ZNF710: variants seen among roughly 807,000 people sequenced by gnomAD.
ZNF710 encodes zinc finger protein 710.
ZNF710 carries 13 observed loss-of-function variants against 50.6 expected under a neutral mutation model. The observed-to-expected ratio is 0.26, with a 90% CI of 0.17 to 0.41. The LOEUF is 0.41. ZNF710 is among the 10% of genes least tolerant of loss of function. ZNF710 has a pLI of 1.00. For synonymous variants in ZNF710, 383 were observed against 397.0 expected, an observed-to-expected ratio of 0.96 and a Z score of 0.42; for missense variants, 721 against 936.6, an observed-to-expected ratio of 0.77 and a Z score of 3.01.
intron 1 of ZNF710, among the ~76,000 whole-genome samples, chr15:90,049,788 T>G (rs566541712): frequency 9.1e-4 from 139 of 152,332 alleles, no homozygotes; most frequent in African/African-American, 3.2e-3. Flanking sequence ...TCCTCCTTTG[T>G]GAGCTCCTAG....
intron 1 of ZNF710, among the ~76,000 whole-genome samples, chr15:90,019,502 C>T (rs945749038): frequency 6.6e-6 from 1 of 152,182 alleles, no homozygotes. Flanking sequence ...AAATTGCCCC[C>T]AGACACATTG....
At chr15:90,057,852 G>A (rs985316128) in intron 1 of ZNF710, among the ~76,000 whole-genome samples, 1 of 152,140 alleles carries the variant, frequency 6.6e-6, no homozygotes, top group South Asian at 2.1e-4. Context: ...AACGATACCA[G>A]TTCTGGAACT....
intron 1 of ZNF710, among the ~76,000 whole-genome samples, chr15:90,016,572 G>A (rs1232120621): frequency 6.6e-6 from 1 of 152,160 alleles, no homozygotes; most frequent in Non-Finnish European, 1.5e-5. Flanking sequence ...CTCCCAAGTA[G>A]CTGGGACTAC....
chr15:90,007,166 C>G (rs185940700), intron 1 of ZNF710, among the ~76,000 whole-genome samples: 2 of 152,020 alleles, frequency 1.3e-5, no homozygotes, highest in African/African-American at 4.8e-5. Flanking sequence ...TAAGGTGACC[C>G]TGGGAGGATT....
intron 4 of ZNF710, chr15:90,076,066 G>C (rs1046244808): frequency 6.6e-6 from 1 of 152,230 alleles, no homozygotes; most frequent in East Asian, 1.9e-4. Context: ...GGTGGGGTCT[G>C]AGACGCTGCC....
intron 1 of ZNF710, among the ~76,000 whole-genome samples, chr15:90,063,481 C>CT (rs1900074884): frequency 1.3e-5 from 2 of 152,114 alleles, no homozygotes; most frequent in African/African-American, 4.8e-5. Context: ...GTTGGCAGCT[C>CT]TCTGTGCCCC....
intron 4 of ZNF710, 126 bp downstream of exon 4, chr15:90,074,416 G>C: frequency 5.2e-6 from 8 of 1,550,550 alleles, no homozygotes; most frequent in Non-Finnish European, 6.9e-6. Flanking sequence ...GTGGGCTCAG[G>C]TCTGGAAGGG....
Position 90,081,412 on chromosome 15 carries a change from G to C in ZNF710, c.*1583G>C, listed in dbSNP as rs530027871. ...GGCACAGATGAAGCCACTAGCTTCA[G>C]CCTAGAAACCCGGAGAAGGGAACAG... On this transcript the variant is annotated 3_prime_UTR_variant, in exon 5 of 5. Transcript: ENST00000268154. 6.6e-6 allele frequency: 1 copy of C among 152,212 alleles called. No homozygotes were observed. Among genetic ancestry groups the C allele is most frequent in the Non-Finnish European group, 1.5e-5 (1 of 68,056 alleles). 9.4% of individuals were successfully genotyped at this position (152,212 alleles called of 1,614,324 possible). A position where few individuals can be genotyped will look rare whatever the true frequency, so the allele number is the denominator to read the frequency against.
rs1900257790 is a variant in ZNF710, at chr15:90,068,293, C to T, written c.1156C>T (p.Arg386Cys). The T allele has an allele frequency of 1.2e-6, 2 of 1,612,834 alleles. No individual in the cohort carries two copies. The highest frequency in any genetic ancestry group is 1.7e-5 in the Admixed American group (1 of 60,006). The change falls in exon 2 of 5, where the codon CGC (arginine) becomes TGC (cysteine). Residue 386 changes from arginine (R) to cysteine (C), a missense_variant. This residue lies in a region of ZNF710 where 326 missense variants were observed against 522.0 expected (regional missense o/e 0.62). Transcript: ENST00000268154. The surrounding 1 kb of genome is among the most constrained non-coding windows in gnomAD (Gnocchi z 5.0). ...VKPYSCHFCG[R>C]GFAYPSELKA... ...GCCCTACAGCTGCCACTTCTGCGGC[C>T]GCGGCTTCGCCTACCCCAGCGAGCT...
chr15:90,029,219 C>G (rs1406809218), intron 1 of ZNF710, among the ~76,000 whole-genome samples: 1 of 152,072 alleles, frequency 6.6e-6, no homozygotes, highest in African/African-American at 2.4e-5. Context: ...GGACTTTGAC[C>G]CAGGAACATA....
Position 90,079,754 on chromosome 15 carries a change from C to T in ZNF710, c.1920C>T (p.Ser640=), listed in dbSNP as rs374277605. 6.3e-5 allele frequency: 102 copies of T among 1,613,368 alleles called. No individual in the cohort carries two copies. The highest frequency in any genetic ancestry group is 8.0e-5 in the African/African-American group (6 of 74,866). Reference sequence around the variant, plus strand: ...AGGAGAACGCCTACAGCTATGCGAGCGTGGACAGCAGCGCCGAGGCCAGTG... The same window carrying T: ...AGGAGAACGCCTACAGCTATGCGAGTGTGGACAGCAGCGCCGAGGCCAGTG... ...DFEENAYSYA[S]VDSSAEASVL... Residue 640 remains serine (S), a synonymous_variant, in exon 5 of 5, where the codon AGC becomes AGT. Transcript: ENST00000268154.
chr15:90,073,367 G>A, intron 3 of ZNF710, 105 bp downstream of exon 3: 1 of 1,355,750 alleles, frequency 7.4e-7, no homozygotes, highest in Non-Finnish European at 1.0e-6. Flanking sequence ...GGCCAGTGCG[G>A]GCAAGAGGAG....
chr15:90,017,343 C>A (rs1038869305), intron 1 of ZNF710, among the ~76,000 whole-genome samples: 1 of 152,126 alleles, frequency 6.6e-6, no homozygotes, highest in African/African-American at 2.4e-5. Flanking sequence ...GTATGGAGAA[C>A]AAAGCTGAAA....
At chr15:90,017,162 C>G (rs1898479306) in intron 1 of ZNF710, among the ~76,000 whole-genome samples, 1 of 152,122 alleles carries the variant, frequency 6.6e-6, no homozygotes, top group African/African-American at 2.4e-5. Flanking sequence ...TTGGAAGATT[C>G]TGGGAGAATA....
At chr15:90,005,171 C>G (rs942077337) in intron 1 of ZNF710, among the ~76,000 whole-genome samples, 2 of 152,132 alleles carry the variant, frequency 1.3e-5, no homozygotes, top group African/African-American at 4.8e-5. Flanking sequence ...TTGCGGAGCC[C>G]CTGTGCCTAG....
intron 1 of ZNF710, among the ~76,000 whole-genome samples, chr15:90,008,455 T>TCACAC (rs1898210003): frequency 1.5e-5 from 2 of 130,718 alleles, no homozygotes; most frequent in African/African-American, 6.5e-5. Flanking sequence ...TATATATATG[T>TCACAC]ATATATATAT....
intron 1 of ZNF710, among the ~76,000 whole-genome samples, chr15:90,019,220 TACA>T (rs1898544693): frequency 1.4e-5 from 2 of 147,512 alleles, no homozygotes; most frequent in South Asian, 4.3e-4. Flanking sequence ...GCTTTTACTT[TACA>T]ACATGTGATT....
intron 1 of ZNF710, among the ~76,000 whole-genome samples, chr15:90,023,264 A>G (rs1898675298): frequency 6.6e-6 from 1 of 152,242 alleles, no homozygotes; most frequent in South Asian, 2.1e-4. Flanking sequence ...AGCAGGAGCT[A>G]CAGAGGTAGG....
chr15:90,040,020 G>A lies in ZNF710; in HGVS notation c.-28-27090G>A, dbSNP rs1168412937. On this transcript the variant is annotated intron_variant, in intron 1 of 4. Transcript: ENST00000268154. The surrounding 1 kb of genome is among the most constrained non-coding windows in gnomAD (Gnocchi z 4.6). ...GAGATCTCTGGACAAGTGTAATCTT[G>A]CTATCACATATTAGGAAAGACCATA... 2.0e-5 allele frequency among the ~76,000 whole-genome samples: 3 copies of A among 152,180 alleles called. No individual in the cohort carries two copies. Among genetic ancestry groups the A allele is most frequent in the African/African-American group, 7.2e-5 (3 of 41,446 alleles).
Sources: allele counts gnomAD v4.1 joint callset (sites outside exome capture counted in the v4.1 genomes callset), GRCh38; gene constraint gnomAD v4.1.1; regional missense constraint gnomAD v4.1.1; non-coding constraint Gnocchi (gnomAD v3.1); transcripts MANE v1.5; gene names NCBI Gene and HGNC (gene_info 2026-07-23, HGNC 2026-07-21).